YME1L1: variants seen among roughly 807,000 people sequenced by gnomAD.
YME1L1 encodes ATP-dependent zinc metalloprotease YME1L1.
A neutral mutation model predicts 90.4 loss-of-function variants in YME1L1; 39 were observed. That is an observed-to-expected ratio of 0.43 (90% confidence interval 0.33 to 0.56). The LOEUF is 0.56. Ranked by LOEUF, YME1L1 falls within the 20% of genes least tolerant of loss-of-function variation. YME1L1 has a pLI of 0.03. For synonymous variants in YME1L1, 284 were observed against 287.3 expected, an observed-to-expected ratio of 0.99 and a Z score of 0.12; for missense variants, 617 against 868.4, an observed-to-expected ratio of 0.71 and a Z score of 3.64.
chr10:27,126,531 A>T (rs2056921370), intron 9 of YME1L1, among the ~76,000 whole-genome samples, 165 bp downstream of exon 9: 1 of 152,294 alleles, frequency 6.6e-6, no homozygotes, highest in African/African-American at 2.4e-5. Context: ...ACCAAAAAAA[A>T]AAGGCTATGG....
chr10:27,116,401 G>C, intron 15 of YME1L1, 56 bp from the exon 16 acceptor site: 4 of 1,592,732 alleles, frequency 2.5e-6, no homozygotes, highest in Non-Finnish European at 3.4e-6. Flanking sequence ...GGGTGCGGTG[G>C]CTCACGCCTG....
Position 27,142,379 on chromosome 10 carries a change from C to T in YME1L1, c.430+8G>A. On this transcript the variant is annotated splice_region_variant and intron_variant, in intron 4 of 18. Transcript: ENST00000376016. ...TTTTTTCCACAATTTATGGTTGTTG[C>T]TTCATACCTGGCCAGTACTGAAGAT... 2 of 1,418,790 alleles carry T rather than the reference C, an allele frequency of 1.4e-6. No individual in the cohort carries two copies. Among genetic ancestry groups the T allele is most frequent in the Non-Finnish European group, 1.9e-6 (2 of 1,072,042 alleles). 87.9% of individuals were successfully genotyped at this position (1,418,790 alleles called of 1,614,324 possible).
Position 27,148,920 on chromosome 10 carries a change from C to G in YME1L1, c.154G>C (p.Ala52Pro). Residue 52 changes from alanine to proline, a missense_variant, in exon 2 of 19, where the codon GCT (alanine) becomes CCT (proline). Ala to Pro is a conservative substitution (Grantham distance 27, BLOSUM62 -1). Transcript: ENST00000376016. Reference protein sequence around the residue: ...QHRDVVPEHEAPSSEPSLNLR... With the variant: ...QHRDVVPEHEPPSSEPSLNLR... ...TAAAGACTTACCTCACTGCTGGGAG[C>G]CTCATGCTCAGGAACTACATCTCGA... The G allele has an allele frequency of 6.2e-7, 1 of 1,613,780 alleles. No homozygotes were observed. The highest frequency in any genetic ancestry group is 8.5e-7 in the Non-Finnish European group (1 of 1,179,972).
chr10:27,122,807 C>T, intron 11 of YME1L1, 34 bp downstream of exon 11: 1 of 1,610,032 alleles, frequency 6.2e-7, no homozygotes, highest in South Asian at 1.1e-5. Context: ...TGGGAGGCAT[C>T]ACCATATTCT....
intron 4 of YME1L1, among the ~76,000 whole-genome samples, chr10:27,140,557 C>T (rs772901904): frequency 2.4e-4 from 37 of 152,058 alleles, no homozygotes; most frequent in Non-Finnish European, 5.0e-4. Flanking sequence ...CGGCTCACTG[C>T]AACCTCCGCC....
chr10:27,123,125 A>T lies in YME1L1; in HGVS notation c.1103-152T>A, dbSNP rs1004066313. ...CGTCATTTTTTACTGACTTAAAAAT[A>T]GTATCTTCAGGGGGGAAAAAACTAT... On this transcript the variant is annotated intron_variant, in intron 10 of 18. Transcript: ENST00000376016. 7 of 944,456 alleles carry T rather than the reference A, an allele frequency of 7.4e-6. No individual in the cohort carries two copies. The African/African-American group carries it at 1.0e-4, about 13-fold the overall frequency. The allele number at this position is 944,456 out of a possible 1,614,324, so 58.5% of individuals were successfully genotyped here. A position where few individuals can be genotyped will look rare whatever the true frequency, so the allele number is the denominator to read the frequency against.
chr10:27,120,388 T>A, intron 13 of YME1L1, 47 bp downstream of exon 13: 1 of 1,361,194 alleles, frequency 7.3e-7, no homozygotes, highest in South Asian at 1.2e-5. Flanking sequence ...GGGTGAGTGG[T>A]ATATTACCAC....
intron 8 of YME1L1, among the ~76,000 whole-genome samples, chr10:27,129,621 A>C (rs2056956966): frequency 6.6e-6 from 1 of 152,210 alleles, no homozygotes; most frequent in Non-Finnish European, 1.5e-5. Context: ...TACAGTTCTG[A>C]GAAATCAAAT....
chr10:27,130,076 G>A (rs2056961538), intron 8 of YME1L1, among the ~76,000 whole-genome samples: 1 of 152,122 alleles, frequency 6.6e-6, no homozygotes, highest in African/African-American at 2.4e-5. Context: ...ACTGCAATTG[G>A]AATTTAACCC....
chr10:27,148,902 T>C lies in YME1L1; in HGVS notation c.168+4A>G, dbSNP rs2057175598. Reference sequence around the variant, plus strand: ...TTTCTCACACAACCAGGATAAAGACTTACCTCACTGCTGGGAGCCTCATGC... The same window carrying C: ...TTTCTCACACAACCAGGATAAAGACCTACCTCACTGCTGGGAGCCTCATGC... On this transcript the variant is annotated splice_donor_region_variant and intron_variant, in intron 2 of 18. Coordinates refer to ENST00000376016, the MANE Select transcript of YME1L1 (RefSeq NM_014263.4). 1 of 1,613,712 alleles carries C rather than the reference T, an allele frequency of 6.2e-7. No homozygotes were observed. Among genetic ancestry groups the C allele is most frequent in the East Asian group, 2.2e-5 (1 of 44,860 alleles).
At chr10:27,131,123 C>G (rs2056973357) in intron 8 of YME1L1, among the ~76,000 whole-genome samples, 1 of 152,182 alleles carries the variant, frequency 6.6e-6, no homozygotes, top group Non-Finnish European at 1.5e-5. Context: ...TCAAATGTCA[C>G]CTTCTCCATC....
At chr10:27,136,761 C>T (rs2057032403) in intron 4 of YME1L1, among the ~76,000 whole-genome samples, 1 of 150,230 alleles carries the variant, frequency 6.7e-6, no homozygotes, top group African/African-American at 2.5e-5. Context: ...TGGAGTTTCA[C>T]TCTTGTTGCC....
intron 2 of YME1L1, among the ~76,000 whole-genome samples, chr10:27,148,158 G>GTTT (rs139299898): frequency 1.3e-5 from 2 of 150,428 alleles, no homozygotes; most frequent in South Asian, 2.1e-4. Flanking sequence ...AAAAACAGGT[G>GTTT]TTTTTTTTTA....
intron 14 of YME1L1, among the ~76,000 whole-genome samples, chr10:27,119,004 A>G (rs1355335821): frequency 6.6e-6 from 1 of 152,244 alleles, no homozygotes; most frequent in Non-Finnish European, 1.5e-5. Context: ...AAGGTTTTCT[A>G]AGAAAGAGAC....
intron 9 of YME1L1, 146 bp downstream of exon 9, chr10:27,126,550 G>A (rs1475212775): frequency 5.9e-6 from 3 of 507,748 alleles, no homozygotes; most frequent in African/African-American, 4.1e-5. Context: ...GGAATTGTAT[G>A]TTCAGAATGA....
rs2056747745 is a variant in YME1L1, at chr10:27,110,390, T to C, written c.*1587A>G. ...ATTATCAACCAAAAGGTCAAGAATA[T>C]AATGTAACAAGCTTCCTGTAACAAT... On this transcript the variant is annotated 3_prime_UTR_variant, in exon 19 of 19. Coordinates refer to ENST00000376016, the MANE Select transcript of YME1L1 (RefSeq NM_014263.4). The C allele has an allele frequency of 6.6e-6, 1 of 152,208 alleles. No homozygotes were observed. The highest frequency in any genetic ancestry group is 1.5e-5 in the Non-Finnish European group (1 of 68,036). 9.4% of individuals were successfully genotyped at this position (152,208 alleles called of 1,614,324 possible). A position where few individuals can be genotyped will look rare whatever the true frequency, so the allele number is the denominator to read the frequency against.
chr10:27,150,686 T>C (rs774359691), intron 1 of YME1L1, among the ~76,000 whole-genome samples: 21 of 152,142 alleles, frequency 1.4e-4, no homozygotes, highest in Admixed American at 3.3e-4. Context: ...AAAAATGCCA[T>C]GGCAACATCA....
chr10:27,140,473 G>A (rs2057075571), intron 4 of YME1L1, among the ~76,000 whole-genome samples: 1 of 151,780 alleles, frequency 6.6e-6, no homozygotes, highest in Non-Finnish European at 1.5e-5. Flanking sequence ...AAGTATTTAG[G>A]TTTTTTTTGT....
chr10:27,119,705 A>G (rs1477055332), intron 13 of YME1L1, among the ~76,000 whole-genome samples: 2 of 152,102 alleles, frequency 1.3e-5, no homozygotes, highest in African/African-American at 2.4e-5. Flanking sequence ...GCTATTCAGA[A>G]GGCTGAGGCA....
Sources: gnomAD v4.1 joint callset for allele counts (sites outside exome capture counted in the v4.1 genomes callset) on GRCh38, gnomAD v4.1.1 for gene constraint, MANE v1.5 for transcripts, NCBI Gene and HGNC (gene_info 2026-07-23, HGNC 2026-07-21) for gene names.